The following ASCC2 variants were observed in gnomAD, a reference collection of about 807,000 sequenced individuals.
The protein encoded by ASCC2 is activating signal cointegrator 1 complex subunit 2, also known as ASC-1 complex subunit P100.
Under a neutral mutation model 93.5 loss-of-function variants are expected in ASCC2, and 42 were observed. The observed-to-expected ratio is 0.45, with a 90% CI of 0.35 to 0.58. The LOEUF (loss-of-function observed/expected upper bound fraction) is 0.58, where lower values mean the gene tolerates loss of function less well. Among genes scored for constraint, ASCC2 ranks in the 20% least tolerant of loss-of-function variants. The pLI is 0.00. For missense variants in ASCC2, 859 were observed against 977.6 expected, an observed-to-expected ratio of 0.88 and a Z score of 1.62; for synonymous variants, 364 against 384.2, an observed-to-expected ratio of 0.95 and a Z score of 0.62.
Position 29,827,147 on chromosome 22 carries a change from G to C in ASCC2, c.82-1367C>G, listed in dbSNP as rs192726033. Among the ~76,000 whole-genome samples, 243 of 151,108 alleles carry C rather than the reference G, an allele frequency of 1.6e-3. 2 individuals are homozygous for C. In the South Asian group the frequency reaches 0.016, roughly 10 times the overall value. ...TATACCCATGAAACAATTTGTCTGG[G>C]TCTGTTCTTTCCTTTTTTTTTGTTT... On this transcript the variant is annotated intron_variant, in intron 2 of 19. Transcript: ENST00000307790.
At chr22:29,796,409 T>A (rs759280746) in intron 15 of ASCC2, among the ~76,000 whole-genome samples, 2 of 152,072 alleles carry the variant, frequency 1.3e-5, no homozygotes, top group Non-Finnish European at 2.9e-5. Flanking sequence ...GTAGTGGAGA[T>A]GACAGACCAG....
At position 29,804,219 on chromosome 22, in the gene ASCC2, G is replaced by A. The variant is rs375588258; in HGVS notation, c.1353+419C>T. Reference sequence around the variant, plus strand: ...CACCAGATCCGAGGTTTCTACACTTGTTCAGTGGAATCCTGGAGCCCCACG... The same window carrying A: ...CACCAGATCCGAGGTTTCTACACTTATTCAGTGGAATCCTGGAGCCCCACG... On this transcript the variant is annotated intron_variant, in intron 13 of 19. Coordinates refer to ENST00000307790, the MANE Select transcript of ASCC2 (RefSeq NM_032204.5). Among the ~76,000 whole-genome samples the A allele has an allele frequency of 1.6e-3, 242 of 152,358 alleles. 2 individuals are homozygous for A. In the Middle Eastern group the frequency reaches 0.024, roughly 15 times the overall value.
At chr22:29,807,529 T>C (rs1601950020) in intron 9 of ASCC2, among the ~76,000 whole-genome samples, 2 of 152,120 alleles carry the variant, frequency 1.3e-5, no homozygotes, top group South Asian at 2.1e-4. Context: ...TTTTGGGGGA[T>C]TGGGTTAATA....
intron 5 of ASCC2, among the ~76,000 whole-genome samples, chr22:29,818,057 G>C (rs991747722): frequency 6.6e-6 from 1 of 151,600 alleles, no homozygotes; most frequent in African/African-American, 2.4e-5. Context: ...ATTAGGTGGG[G>C]GATTGGGATA....
intron 13 of ASCC2, 112 bp downstream of exon 13, chr22:29,804,526 A>G: frequency 7.4e-7 from 1 of 1,350,168 alleles, no homozygotes. Context: ...CCCCAAAAAA[A>G]CTTTTTCCCT....
intron 7 of ASCC2, 30 bp from the exon 8 acceptor site, chr22:29,813,572 C>A: frequency 7.0e-7 from 1 of 1,429,442 alleles, no homozygotes; most frequent in Non-Finnish European, 9.9e-7. Flanking sequence ...CTGCATTATT[C>A]TCCTCTGTCC....
intron 2 of ASCC2, among the ~76,000 whole-genome samples, chr22:29,828,991 A>G (rs1205132626): frequency 6.6e-6 from 1 of 152,146 alleles, no homozygotes; most frequent in East Asian, 1.9e-4. Context: ...CCTGGCCAAC[A>G]CTGTGAAATC....
intron 13 of ASCC2, among the ~76,000 whole-genome samples, chr22:29,803,981 G>A (rs2059392740): frequency 1.3e-5 from 2 of 152,218 alleles, no homozygotes; most frequent in Non-Finnish European, 2.9e-5. Flanking sequence ...TTATAGATGA[G>A]GAACCAAGGT....
intron 13 of ASCC2, among the ~76,000 whole-genome samples, chr22:29,804,413 G>T (rs930653361): frequency 1.3e-5 from 2 of 152,208 alleles, no homozygotes; most frequent in Non-Finnish European, 2.9e-5. Context: ...GGCTTCGATA[G>T]TTGAAGCAAC....
chr22:29,808,889 T>TG (rs1430542750), intron 8 of ASCC2, among the ~76,000 whole-genome samples: 1 of 149,598 alleles, frequency 6.7e-6, no homozygotes, highest in Non-Finnish European at 1.5e-5. Flanking sequence ...GAGACCGAGA[T>TG]GGGTGGATTA....
In ASCC2 at chr22:29,789,105, T is replaced by C; in HGVS notation, c.2182A>G (p.Arg728Gly). ...GTCGCCTTGTTGGCTTCCTTCTTCC[T>C]GCGTTCCTGGGTTGTCTCGCGGCTC... is the stretch of plus-strand genomic sequence containing the variant. ...GQSRETTQER[R>G]KKEANKATRA... The change falls in exon 20 of 20, where the codon AGG becomes GGG. Residue 728 changes from arginine (R) to glycine (G), a missense_variant. Arg to Gly is a moderately radical substitution (Grantham distance 125). Coordinates refer to ENST00000307790, the MANE Select transcript of ASCC2 (RefSeq NM_032204.5). 6.2e-7 allele frequency: 1 copy of C among 1,614,192 alleles called. No homozygotes were observed. Among genetic ancestry groups the C allele is most frequent in the African/African-American group, 1.3e-5 (1 of 75,054 alleles).
At chr22:29,807,581 TC>T (rs1244438966) in intron 9 of ASCC2, among the ~76,000 whole-genome samples, 1 of 152,200 alleles carries the variant, frequency 6.6e-6, no homozygotes, top group Non-Finnish European at 1.5e-5. Flanking sequence ...GGGTCAAGTC[TC>T]CTTCACGGTG....
intron 15 of ASCC2, among the ~76,000 whole-genome samples, chr22:29,796,779 A>T (rs375157160): frequency 1.3e-5 from 2 of 152,194 alleles, no homozygotes; most frequent in South Asian, 2.1e-4. Context: ...CATTTGACAC[A>T]TATTTCCTAA....
chr22:29,809,536 G>T (rs1255246771), intron 8 of ASCC2, among the ~76,000 whole-genome samples: 1 of 151,896 alleles, frequency 6.6e-6, no homozygotes, highest in East Asian at 1.9e-4. Flanking sequence ...TCCCAGCACT[G>T]TGGGAGGCTG....
At chr22:29,827,696 T>C in intron 2 of ASCC2, 1 of 449,018 alleles carries the variant, frequency 2.2e-6, no homozygotes, top group South Asian at 1.7e-5. Flanking sequence ...CTCCCTCTTC[T>C]ATCTGTTGGC....
rs3838960 is a variant in ASCC2, at chr22:29,838,203, T to TGCCGCCGCCGCCGCCGCCGCCGCCGCC, written c.-44_-43insGGCGGCGGCGGCGGCGGCGGCGGCGGC. 4 of 444,974 alleles carry TGCCGCCGCCGCCGCCGCCGCCGCCGCC rather than the reference T, an allele frequency of 9.0e-6. No individual in the cohort carries two copies. The highest frequency in any genetic ancestry group is 4.8e-5 in the South Asian group (3 of 62,694). 27.6% of individuals were successfully genotyped at this position (444,974 alleles called of 1,614,324 possible). ...CTCGGCGGCTCCACCACCGGCTCTG[T>TGCCGCCGCCGCCGCCGCCGCCGCCGCC]GCCGCCGCCGCCGCCGCCGCCGCCG... On this transcript the variant is annotated 5_prime_UTR_variant, in exon 1 of 20. Coordinates refer to ENST00000307790, the MANE Select transcript of ASCC2 (RefSeq NM_032204.5).
chr22:29,825,511 G>T lies in ASCC2; in HGVS notation c.240+111C>A. The T allele has an allele frequency of 6.8e-7, 1 of 1,464,490 alleles. No homozygotes were observed. The highest frequency in any genetic ancestry group is 9.5e-7 in the Non-Finnish European group (1 of 1,052,834). The allele number at this position is 1,464,490 out of a possible 1,614,324, so 90.7% of individuals were successfully genotyped here. A position where few individuals can be genotyped will look rare whatever the true frequency, so the allele number is the denominator to read the frequency against. ...ACCACAATTTGCTGTTAAGGATCCA[G>T]TGAAAGAAGTAGACAAAAAAGCACC... On this transcript the variant is annotated intron_variant, in intron 3 of 19. Coordinates refer to ENST00000307790, the MANE Select transcript of ASCC2 (RefSeq NM_032204.5). This position sits in a 1 kb window ranked among gnomAD's most constrained non-coding sequence, Gnocchi z 4.9.
intron 4 of ASCC2, among the ~76,000 whole-genome samples, chr22:29,823,884 T>C (rs2061928847): frequency 1.3e-5 from 2 of 151,000 alleles, no homozygotes; most frequent in South Asian, 2.1e-4. Flanking sequence ...TTTGTATTTA[T>C]GTATATTTGG....
rs1194436187 is a variant in ASCC2 at position 29,814,755 on chromosome 22, T to C, written c.622A>G (p.Ile208Val). The C allele has an allele frequency of 6.2e-7, 1 of 1,610,592 alleles. No individual in the cohort carries two copies. Among genetic ancestry groups the C allele is most frequent in the Non-Finnish European group, 8.5e-7 (1 of 1,178,566 alleles). ...LPTILQVFSN[I>V]LQHCGLQGDG... The stretch of plus-strand genomic sequence containing the variant: ...CCTTGCAAACCACAGTGCTGGAGGA[T>C]ATTGCTGAAGACCTGTGAAAGACAA... Residue 208 changes from isoleucine to valine, a missense_variant, in exon 7 of 20, where the codon ATC becomes GTC. Ile to Val is a conservative substitution (Grantham distance 29). Transcript: ENST00000307790.
Sources: gnomAD v4.1 joint callset for allele counts (sites outside exome capture counted in the v4.1 genomes callset) on GRCh38, gnomAD v4.1.1 for gene constraint, Gnocchi (gnomAD v3.1) non-coding constraint, MANE v1.5 for transcripts, NCBI Gene and HGNC (gene_info 2026-07-23, HGNC 2026-07-21) for gene names.